CCSER2: variants seen among roughly 807,000 people sequenced by gnomAD.
The protein encoded by CCSER2 is serine-rich coiled-coil domain-containing protein 2.
Under a neutral mutation model 92.3 loss-of-function variants are expected in CCSER2, and 46 were observed. The ratio of observed to expected loss-of-function variants is 0.50; its 90% confidence interval spans 0.39 to 0.64. The LOEUF (loss-of-function observed/expected upper bound fraction) is 0.64. CCSER2 is among the 30% of genes least tolerant of loss of function. The pLI, the probability that CCSER2 is intolerant of heterozygous loss-of-function variation, is 0.00. For missense variants in CCSER2, 1,244 were observed against 1,238.9 expected, an observed-to-expected ratio of 1.00 and a Z score of -0.06; for synonymous variants, 433 against 431.4, an observed-to-expected ratio of 1.00 and a Z score of -0.04.
intron 5 of CCSER2, among the ~76,000 whole-genome samples, chr10:84,427,662 C>T (rs566336464): frequency 6.6e-6 from 1 of 152,278 alleles, no homozygotes; most frequent in South Asian, 2.1e-4. Flanking sequence ...CGTAATACTG[C>T]TCTGTCTTTT....
intron 9 of CCSER2, among the ~76,000 whole-genome samples, chr10:84,488,965 C>T (rs868569355): frequency 2.1e-4 from 32 of 152,174 alleles, no homozygotes; most frequent in African/African-American, 7.7e-4. Flanking sequence ...TTTCAAAGAA[C>T]ATCTTTATTT....
chr10:84,494,697 C>G (rs969991390), intron 9 of CCSER2, among the ~76,000 whole-genome samples: 2 of 152,102 alleles, frequency 1.3e-5, no homozygotes, highest in African/African-American at 2.4e-5. Flanking sequence ...CTCTTGTATT[C>G]AAGGTAGAGT....
intron 7 of CCSER2, among the ~76,000 whole-genome samples, chr10:84,466,981 C>G (rs1303709698): frequency 6.6e-6 from 1 of 152,172 alleles, no homozygotes; most frequent in Non-Finnish European, 1.5e-5. Context: ...CCTCTCTCAT[C>G]TGTCTTGAGT....
chr10:84,371,993 G>T lies in CCSER2; in HGVS notation c.941G>T (p.Gly314Val). Reference sequence around the variant, plus strand: ...GGCCCAGGTGTAACTTCTACTTTAGGTTATAGAATGGTTCATCCCTCTCTA... The same window carrying T: ...GGCCCAGGTGTAACTTCTACTTTAGTTTATAGAATGGTTCATCCCTCTCTA... ...PNGPGVTSTL[G>V]YRMVHPSLLK... The change falls in exon 2 of 10, where the codon GGT becomes GTT. Residue 314 changes from glycine (G) to valine (V), a missense_variant. By Grantham distance (109) the Gly-to-Val change is moderately radical. Coordinates refer to ENST00000372088, the MANE Select transcript of CCSER2 (RefSeq NM_001284240.2). 1.2e-6 allele frequency: 2 copies of T among 1,613,626 alleles called. No individual in the cohort carries two copies. Among genetic ancestry groups the T allele is most frequent in the South Asian group, 1.1e-5 (1 of 91,062 alleles).
intron 1 of CCSER2, among the ~76,000 whole-genome samples, chr10:84,361,646 CTTT>C (rs540444252): frequency 6.9e-6 from 1 of 144,858 alleles, no homozygotes. Context: ...TAACATTTTT[CTTT>C]TTTTTTTTTG....
At chr10:84,470,506 T>C in intron 8 of CCSER2, 48 bp downstream of exon 8, 1 of 1,322,070 alleles carries the variant, frequency 7.6e-7, no homozygotes, top group South Asian at 1.7e-5. Flanking sequence ...CTGGGTGAAA[T>C]GTGTTTTTCA....
At position 84,456,950 on chromosome 10, in the gene CCSER2, A is replaced by G. The variant is rs183962212; in HGVS notation, c.2065-6983A>G. 1.9e-4 allele frequency among the ~76,000 whole-genome samples: 29 copies of G among 151,590 alleles called. No individual in the cohort carries two copies. The East Asian group carries it at 5.2e-3, about 27-fold the overall frequency. On this transcript the variant is annotated intron_variant, in intron 6 of 9. Coordinates refer to ENST00000372088, the MANE Select transcript of CCSER2 (RefSeq NM_001284240.2). Reference sequence around the variant, plus strand: ...TCTTACTGATTTTTGAGAGTTCTTTATATATTTTAGATATAGCTCCTTTAT... The same window carrying G: ...TCTTACTGATTTTTGAGAGTTCTTTGTATATTTTAGATATAGCTCCTTTAT...
At chr10:84,389,104 CTT>C (rs80150850) in intron 3 of CCSER2, 815 of 183,466 alleles carry the variant, frequency 4.4e-3, no homozygotes, top group South Asian at 0.011. Flanking sequence ...CCAATAATAA[CTT>C]TTTTTTTTTT....
At chr10:84,445,003 T>C (rs1036494505) in intron 6 of CCSER2, among the ~76,000 whole-genome samples, 1 of 152,190 alleles carries the variant, frequency 6.6e-6, no homozygotes, top group Non-Finnish European at 1.5e-5. Context: ...TAATGTAGAG[T>C]GCATTTTAAA....
intron 7 of CCSER2, among the ~76,000 whole-genome samples, chr10:84,469,900 C>T (rs1044203740): frequency 4.4e-4 from 67 of 152,066 alleles, no homozygotes; most frequent in Admixed American, 9.2e-4. Flanking sequence ...CCATGAAATG[C>T]CTCTGTGCCT....
chr10:84,424,753 A>T (rs1167534917), intron 4 of CCSER2, among the ~76,000 whole-genome samples: 1 of 152,078 alleles, frequency 6.6e-6, no homozygotes, highest in Admixed American at 6.5e-5. Flanking sequence ...TTTCTCATGT[A>T]GTAGTTCTCA....
chr10:84,358,032 G>A (rs1014227214), intron 1 of CCSER2, among the ~76,000 whole-genome samples: 1 of 152,162 alleles, frequency 6.6e-6, no homozygotes, highest in African/African-American at 2.4e-5. Flanking sequence ...CATCTAGACA[G>A]TAAAGAACAC....
Position 84,470,408 on chromosome 10 carries a change from G to T in CCSER2, c.2185G>T (p.Asp729Tyr). ...DLLNEIKQLK[D>Y]EIKKKDEKIQ... is the part of the protein sequence containing the mutation. ...ATTAAATGAAATAAAACAACTTAAA[G>T]ACGAAATAAAGAAAAAAGATGAAAA... is the stretch of plus-strand genomic sequence containing the variant. Residue 729 changes from aspartate (D) to tyrosine (Y), a missense_variant, in exon 8 of 10, where the codon GAC becomes TAC. Coordinates refer to ENST00000372088, the MANE Select transcript of CCSER2 (RefSeq NM_001284240.2). 1.4e-6 allele frequency: 2 copies of T among 1,387,782 alleles called. No homozygotes were observed. The highest frequency in any genetic ancestry group is 1.9e-6 in the Non-Finnish European group (2 of 1,035,330). The allele number at this position is 1,387,782 out of a possible 1,614,324, so 86.0% of individuals were successfully genotyped here.
chr10:84,461,983 T>C (rs116229803), intron 6 of CCSER2, among the ~76,000 whole-genome samples: 1 of 152,302 alleles, frequency 6.6e-6, no homozygotes, highest in African/African-American at 2.4e-5. Context: ...CAGCTAGCTG[T>C]CTTGATTGTG....
chr10:84,405,632 A>G, intron 3 of CCSER2, among the ~76,000 whole-genome samples: 1 of 152,306 alleles, frequency 6.6e-6, no homozygotes, highest in South Asian at 2.1e-4. Flanking sequence ...CAACCCAAAT[A>G]AAAAAATGTA....
chr10:84,447,906 A>G (rs549977118), intron 6 of CCSER2, among the ~76,000 whole-genome samples: 1 of 152,200 alleles, frequency 6.6e-6, no homozygotes, highest in South Asian at 2.1e-4. Context: ...TCCTGGGCTC[A>G]ACCGATCCTC....
In CCSER2 at chr10:84,328,817, C is replaced by A; in HGVS notation, c.-40+9C>A. 6.6e-6 allele frequency: 1 copy of A among 151,434 alleles called. No homozygotes were observed. The highest frequency in any genetic ancestry group is 2.0e-4 in the South Asian group (1 of 5,108). 9.4% of individuals were successfully genotyped at this position (151,434 alleles called of 1,614,324 possible). A position where few individuals can be genotyped will look rare whatever the true frequency, so the allele number is the denominator to read the frequency against. On this transcript the variant is annotated intron_variant, in intron 1 of 9. Coordinates refer to ENST00000372088, the MANE Select transcript of CCSER2 (RefSeq NM_001284240.2). ...AGCGCGACCTCCGCACGGTGAGATC[C>A]GGGCTCAGGGCCAGAGCCGGGGCCG...
At chr10:84,398,688 A>G (rs1841967187) in intron 3 of CCSER2, among the ~76,000 whole-genome samples, 1 of 152,182 alleles carries the variant, frequency 6.6e-6, no homozygotes, top group African/African-American at 2.4e-5. Flanking sequence ...ATTTCTTGAG[A>G]GCAGAAGAGA....
At chr10:84,413,849 TA>T (rs1447068340) in intron 3 of CCSER2, among the ~76,000 whole-genome samples, 4 of 152,326 alleles carry the variant, frequency 2.6e-5, no homozygotes, top group Admixed American at 1.3e-4. Context: ...CATATATATT[TA>T]ATAAGATAGT....
Sources: allele counts gnomAD v4.1 joint callset (sites outside exome capture counted in the v4.1 genomes callset), GRCh38; gene constraint gnomAD v4.1.1; transcripts MANE v1.5; gene names NCBI Gene and HGNC (gene_info 2026-07-23, HGNC 2026-07-21).